The following EPAS1 variants were observed in gnomAD, a reference collection of about 807,000 sequenced individuals.
The protein encoded by EPAS1 is endothelial PAS domain-containing protein 1.
Under a neutral mutation model 87.9 loss-of-function variants are expected in EPAS1, and 23 were observed. That is an observed-to-expected ratio of 0.26 (90% CI 0.19 to 0.37). EPAS1 has a LOEUF of 0.37. Ranked by LOEUF, EPAS1 falls within the 10% of genes least tolerant of loss-of-function variation. EPAS1 has a pLI of 1.00. For missense variants in EPAS1, 1,138 were observed against 1,120.7 expected, an observed-to-expected ratio of 1.02 and a Z score of -0.22; for synonymous variants, 508 against 444.3, an observed-to-expected ratio of 1.14 and a Z score of -1.80.
intron 1 of EPAS1, among the ~76,000 whole-genome samples, chr2:46,311,766 T>A (rs1683215333): frequency 6.6e-6 from 1 of 152,224 alleles, no homozygotes. Context: ...TTTCCCCACC[T>A]TGGCTAGTGA....
chr2:46,301,970 T>C (rs1024995580), intron 1 of EPAS1, among the ~76,000 whole-genome samples: 1 of 152,312 alleles, frequency 6.6e-6, no homozygotes, highest in East Asian at 1.9e-4. Flanking sequence ...CAAGGACCGC[T>C]CCTCAGTGGA....
Position 46,360,830 on chromosome 2 carries a change from A to G in EPAS1, c.574-55A>G. ...CGGTGCAGGGGATGCCTAAGGCCCTACCCCCACCCCCAGCACTCTCGGCTC... is the reference window on the plus strand; with the variant it reads ...CGGTGCAGGGGATGCCTAAGGCCCTGCCCCCACCCCCAGCACTCTCGGCTC... On this transcript the variant is annotated intron_variant, in intron 5 of 15. Coordinates refer to ENST00000263734, the MANE Select transcript of EPAS1 (RefSeq NM_001430.5). This position sits in a 1 kb window ranked among gnomAD's most constrained non-coding sequence, Gnocchi z 4.5. The G allele has an allele frequency of 1.2e-6, 2 of 1,611,372 alleles. No individual in the cohort carries two copies. The highest frequency in any genetic ancestry group is 2.2e-5 in the South Asian group (2 of 91,008).
chr2:46,349,674 G>A (rs776970338), intron 2 of EPAS1, among the ~76,000 whole-genome samples: 1 of 152,222 alleles, frequency 6.6e-6, no homozygotes, highest in Non-Finnish European at 1.5e-5. Context: ...CTCACCAAAC[G>A]AGCACAGCCC....
At position 46,375,705 on chromosome 2, in the gene EPAS1, AG is replaced by A; in HGVS notation, c.904del (p.Val302Ter). On this transcript the variant is annotated frameshift_variant, in exon 8 of 16. Coordinates refer to ENST00000263734, the MANE Select transcript of EPAS1 (RefSeq NM_001430.5). LOFTEE classifies it high-confidence loss of function. This position sits in a 1 kb window ranked among gnomAD's most constrained non-coding sequence, Gnocchi z 4.1. ...CCTCCCCTAGTGTGCACCAAGGGTC[AG>A]GTAGTAAGTGGCCAGTACCGGATGC... is the stretch of plus-strand genomic sequence containing the variant. ...KSHQNLCTKGQVVSGQYRMLA... is the reference protein window; with the variant it reads ...KSHQNLCTKGXVVSGQYRMLA... The A allele has an allele frequency of 6.2e-7, 1 of 1,614,112 alleles. No individual in the cohort carries two copies. Among genetic ancestry groups the A allele is most frequent in the Non-Finnish European group, 8.5e-7 (1 of 1,180,006 alleles).
At chr2:46,350,728 A>G (rs187196770) in intron 2 of EPAS1, among the ~76,000 whole-genome samples, 1 of 152,342 alleles carries the variant, frequency 6.6e-6, no homozygotes, top group East Asian at 1.9e-4. Flanking sequence ...TCATTGTAAA[A>G]CTGAATTTTG....
intron 1 of EPAS1, among the ~76,000 whole-genome samples, chr2:46,314,808 G>A (rs1275916274): frequency 2.0e-5 from 3 of 152,328 alleles, no homozygotes; most frequent in East Asian, 1.9e-4. Flanking sequence ...CTTGGAAGTC[G>A]CTGTTGGGCA....
chr2:46,345,380 C>CA (rs888513055), intron 1 of EPAS1, among the ~76,000 whole-genome samples: 3 of 151,828 alleles, frequency 2.0e-5, no homozygotes, highest in African/African-American at 7.3e-5. Flanking sequence ...AAACAAAAAC[C>CA]AAAAAAACTC....
chr2:46,301,410 A>G (rs531680464), intron 1 of EPAS1, among the ~76,000 whole-genome samples: 8 of 152,032 alleles, frequency 5.3e-5, no homozygotes, highest in Non-Finnish European at 1.2e-4. Context: ...CCCCGTCTCT[A>G]TTAAAAACAC....
Position 46,351,697 on chromosome 2 carries a change from C to T in EPAS1, c.218-4454C>T, listed in dbSNP as rs200998890. 1.6e-4 allele frequency among the ~76,000 whole-genome samples: 24 copies of T among 152,252 alleles called. No homozygotes were observed. In the East Asian group the frequency reaches 4.6e-3, roughly 29 times the overall value. On this transcript the variant is annotated intron_variant, in intron 2 of 15. Coordinates refer to ENST00000263734, the MANE Select transcript of EPAS1 (RefSeq NM_001430.5). ...AAGCACATCTGAACCAGGAAGACCC[C>T]ATCAGAATGGCTTTAAGAACAGTCA...
intron 10 of EPAS1, among the ~76,000 whole-genome samples, chr2:46,378,409 T>C (rs1341156012): frequency 6.6e-6 from 1 of 152,182 alleles, no homozygotes; most frequent in African/African-American, 2.4e-5. Context: ...TCCTGTTTGG[T>C]CCTCAAGACA....
intron 1 of EPAS1, among the ~76,000 whole-genome samples, chr2:46,345,328 T>C (rs1351489879): frequency 6.6e-6 from 1 of 152,136 alleles, no homozygotes; most frequent in African/African-American, 2.4e-5. Flanking sequence ...ATATAGGTTA[T>C]TTATAGAAAC....
At chr2:46,302,164 G>T (rs970754520) in intron 1 of EPAS1, among the ~76,000 whole-genome samples, 2 of 148,518 alleles carry the variant, frequency 1.3e-5, no homozygotes, top group African/African-American at 2.5e-5. Flanking sequence ...GTGCGTCGGG[G>T]GGGGGGGCAG....
At chr2:46,338,454 G>T (rs1683842904) in intron 1 of EPAS1, among the ~76,000 whole-genome samples, 1 of 152,210 alleles carries the variant, frequency 6.6e-6, no homozygotes, top group African/African-American at 2.4e-5. Flanking sequence ...GAGCAATGGA[G>T]AGCCACGCAA....
chr2:46,342,806 CTGGA>C (rs1683937537), intron 1 of EPAS1, among the ~76,000 whole-genome samples: 1 of 152,182 alleles, frequency 6.6e-6, no homozygotes, highest in African/African-American at 2.4e-5. Flanking sequence ...GAGGTTTTTC[CTGGA>C]TGAACTGTAG....
At position 46,384,666 on chromosome 2, in the gene EPAS1, G is replaced by C. The variant is rs1684971833; in HGVS notation, c.*6G>C. ...CCCTGGACCAGGCCACCTGAGCCAG[G>C]CCTTCTACCTGGGCAGCACCTCTGC... On this transcript the variant is annotated 3_prime_UTR_variant, in exon 16 of 16. Transcript: ENST00000263734. 1 of 1,613,248 alleles carries C rather than the reference G, an allele frequency of 6.2e-7. No individual in the cohort carries two copies. The highest frequency in any genetic ancestry group is 8.5e-7 in the Non-Finnish European group (1 of 1,179,926).
chr2:46,361,050 C>A lies in EPAS1; in HGVS notation c.739C>A (p.Arg247Ser). Reference sequence around the variant, plus strand: ...CCTGGATAGCAAGACCTTCCTGAGCCGCCACAGCATGGACATGAAGTTCAC... The same window carrying A: ...CCTGGATAGCAAGACCTTCCTGAGCAGCCACAGCATGGACATGAAGTTCAC... The part of the protein sequence containing the change: ...IPLDSKTFLS[R>S]HSMDMKFTYC... Residue 247 changes from arginine to serine, a missense_variant, in exon 6 of 16, where the codon CGC becomes AGC. This residue lies in a region of EPAS1 where 351 missense variants were observed against 417.1 expected (regional missense o/e 0.84). Coordinates refer to ENST00000263734, the MANE Select transcript of EPAS1 (RefSeq NM_001430.5). 2 of 1,614,138 alleles carry A rather than the reference C, an allele frequency of 1.2e-6. No individual in the cohort carries two copies. The highest frequency in any genetic ancestry group is 1.7e-6 in the Non-Finnish European group (2 of 1,180,024).
At chr2:46,320,230 G>T (rs983849162) in intron 1 of EPAS1, among the ~76,000 whole-genome samples, 4 of 152,192 alleles carry the variant, frequency 2.6e-5, no homozygotes, top group African/African-American at 9.7e-5. Flanking sequence ...AAAGTTTTCG[G>T]TGTGTGGAAA....
chr2:46,365,062 G>A (rs1452266439), intron 6 of EPAS1, among the ~76,000 whole-genome samples: 1 of 152,202 alleles, frequency 6.6e-6, no homozygotes, highest in African/African-American at 2.4e-5. Flanking sequence ...TTCATGTGGA[G>A]GTGCCATCTA....
chr2:46,353,566 A>G lies in EPAS1; in HGVS notation c.218-2585A>G, dbSNP rs1023780395. Among the ~76,000 whole-genome samples, 9 of 152,226 alleles carry G rather than the reference A, an allele frequency of 5.9e-5. No homozygotes were observed. The East Asian group carries it at 1.7e-3, about 29-fold the overall frequency. The stretch of plus-strand genomic sequence containing the variant: ...CCTGGCCTATAGATGATTCTGATGC[A>G]TACTCAAATTTGAAAGCACTGAGTT... On this transcript the variant is annotated intron_variant, in intron 2 of 15. Coordinates refer to ENST00000263734, the MANE Select transcript of EPAS1 (RefSeq NM_001430.5).
Sources: allele counts gnomAD v4.1 joint callset (sites outside exome capture counted in the v4.1 genomes callset), GRCh38; gene constraint gnomAD v4.1.1; regional missense constraint gnomAD v4.1.1; non-coding constraint Gnocchi (gnomAD v3.1); transcripts MANE v1.5; gene names NCBI Gene and HGNC (gene_info 2026-07-23, HGNC 2026-07-21).